The following KCNQ5 variants were observed in gnomAD, a reference collection of about 807,000 sequenced individuals.
KCNQ5 encodes potassium voltage-gated channel subfamily KQT member 5.
A neutral mutation model predicts 98.2 loss-of-function variants in KCNQ5; 30 were observed. The ratio of observed to expected loss-of-function variants is 0.31; its 90% CI spans 0.23 to 0.41. The LOEUF (loss-of-function observed/expected upper bound fraction) is 0.41. Ranked by LOEUF, KCNQ5 falls within the 10% of genes least tolerant of loss-of-function variation. The pLI is 1.00. For synonymous variants in KCNQ5, 458 were observed against 449.4 expected (o/e 1.02, Z -0.24); for missense variants, 835 against 1,182.5 (o/e 0.71, Z 4.31).
intron 1 of KCNQ5, among the ~76,000 whole-genome samples, chr6:72,745,331 G>C (rs993067774): frequency 2.9e-4 from 44 of 152,154 alleles, no homozygotes; most frequent in African/African-American, 9.9e-4. Context: ...GCCAGGTTTA[G>C]CTCTTTAATA....
chr6:72,771,652 C>CTGTGTGTGTGTGTG lies in KCNQ5; in HGVS notation c.398+149085_398+149098dup, dbSNP rs150518788. Among the ~76,000 whole-genome samples the CTGTGTGTGTGTGTG allele has an allele frequency of 6.2e-3, 921 of 147,844 alleles. 12 individuals carry two copies. Among genetic ancestry groups the CTGTGTGTGTGTGTG allele is most frequent in the Middle Eastern group, 0.017 (5 of 290 alleles). On this transcript the variant is annotated intron_variant, in intron 1 of 13. Transcript: ENST00000370398. ...ACATTTGAATATAGTAACCATTTCACTGTGTGTGTGTGTGTGTGTGTGTGT... is the reference window on the plus strand; with the variant it reads ...ACATTTGAATATAGTAACCATTTCACTGTGTGTGTGTGTGTGTGTGTGTGTGTGTGTGTGTGTGT...
intron 2 of KCNQ5, among the ~76,000 whole-genome samples, chr6:73,016,992 A>G (rs1770374763): frequency 6.6e-6 from 1 of 151,924 alleles, no homozygotes; most frequent in Non-Finnish European, 1.5e-5. Flanking sequence ...GATCCTGTGG[A>G]TTTCTATAGA....
intron 9 of KCNQ5, chr6:73,125,409 C>T: frequency 3.9e-6 from 2 of 518,076 alleles, no homozygotes; most frequent in South Asian, 2.8e-5. Context: ...GTGGCAGAGG[C>T]AGAACCAGCA....
chr6:73,090,238 C>T (rs1582334863), intron 5 of KCNQ5, among the ~76,000 whole-genome samples: 1 of 151,948 alleles, frequency 6.6e-6, no homozygotes, highest in South Asian at 2.1e-4. Context: ...ATGTCCTTAG[C>T]CCACTTTTTG....
chr6:73,163,906 A>G (rs1777703802), intron 10 of KCNQ5, among the ~76,000 whole-genome samples: 1 of 152,162 alleles, frequency 6.6e-6, no homozygotes. Flanking sequence ...AATTTTCGCT[A>G]TGCAATCATT....
At chr6:73,182,335 T>A (rs953737942) in intron 11 of KCNQ5, among the ~76,000 whole-genome samples, 2 of 152,218 alleles carry the variant, frequency 1.3e-5, no homozygotes, top group African/African-American at 4.8e-5. Context: ...AGATATTTAC[T>A]ACCTGGCCCT....
At chr6:72,648,790 T>A (rs1295456739) in intron 1 of KCNQ5, among the ~76,000 whole-genome samples, 3 of 117,918 alleles carry the variant, frequency 2.5e-5, no homozygotes, top group East Asian at 3.2e-4. Flanking sequence ...TTTTTTTTTT[T>A]AATTCTCAGA....
At chr6:73,150,624 C>G (rs1396453654) in intron 10 of KCNQ5, among the ~76,000 whole-genome samples, 1 of 150,036 alleles carries the variant, frequency 6.7e-6, no homozygotes, top group Non-Finnish European at 1.5e-5. Context: ...AACCAATAGG[C>G]AAAAGGTTAA....
At chr6:72,734,613 T>TTGA (rs1426877147) in intron 1 of KCNQ5, among the ~76,000 whole-genome samples, 3 of 152,220 alleles carry the variant, frequency 2.0e-5, no homozygotes, top group Non-Finnish European at 4.4e-5. Context: ...AATCCCCCTT[T>TTGA]TGATACCCAG....
chr6:72,792,033 G>A (rs1185969280), intron 1 of KCNQ5, among the ~76,000 whole-genome samples: 1 of 152,130 alleles, frequency 6.6e-6, no homozygotes, highest in Non-Finnish European at 1.5e-5. Flanking sequence ...AAAACATATT[G>A]AGACTCCCAC....
rs1279949744 is a variant in KCNQ5, at chr6:73,169,765, T to C, written c.1488T>C (p.Thr496=). Residue 496 remains threonine, a synonymous_variant, in exon 11 of 14, where the codon ACT becomes ACC. Transcript: ENST00000370398. ...TTGCAGCTGACACAGCCCTTGGCAC[T>C]GATGATGTATATGATGAAAAAGGAT... is the stretch of plus-strand genomic sequence containing the variant. ...PVIDADTALG[T]DDVYDEKGCQ... is the part of the protein sequence containing the mutation. The C allele has an allele frequency of 2.5e-5, 40 of 1,613,252 alleles. No homozygotes were observed. Among genetic ancestry groups the C allele is most frequent in the Non-Finnish European group, 3.1e-5 (37 of 1,179,316 alleles).
intron 1 of KCNQ5, among the ~76,000 whole-genome samples, chr6:72,898,382 G>A (rs1360961257): frequency 6.6e-6 from 1 of 152,074 alleles, no homozygotes; most frequent in Non-Finnish European, 1.5e-5. Context: ...GTGTCCCTGT[G>A]TTCTCATTGT....
chr6:72,649,278 G>T (rs1031653922), intron 1 of KCNQ5, among the ~76,000 whole-genome samples: 2 of 152,118 alleles, frequency 1.3e-5, no homozygotes, highest in African/African-American at 2.4e-5. Context: ...TTAAAAACCT[G>T]TGAAGCATGT....
At chr6:73,081,982 C>G (rs1472625462) in intron 5 of KCNQ5, among the ~76,000 whole-genome samples, 1 of 152,228 alleles carries the variant, frequency 6.6e-6, no homozygotes, top group Non-Finnish European at 1.5e-5. Flanking sequence ...CCAACATTTC[C>G]AACCCACAGA....
At chr6:72,936,231 C>A (rs1391930290) in intron 1 of KCNQ5, among the ~76,000 whole-genome samples, 3 of 152,148 alleles carry the variant, frequency 2.0e-5, no homozygotes, top group African/African-American at 7.2e-5. Flanking sequence ...TCTGAAATAA[C>A]CTACCCACCT....
chr6:73,029,113 A>G (rs1300727361), intron 2 of KCNQ5, among the ~76,000 whole-genome samples: 1 of 152,224 alleles, frequency 6.6e-6, no homozygotes, highest in African/African-American at 2.4e-5. Flanking sequence ...TGATGTGAGC[A>G]GAGGTGTATG....
At chr6:72,758,500 G>C (rs1469087870) in intron 1 of KCNQ5, among the ~76,000 whole-genome samples, 1 of 152,096 alleles carries the variant, frequency 6.6e-6, no homozygotes, top group South Asian at 2.1e-4. Flanking sequence ...AGAAGTGGGG[G>C]ATCAGGAGTA....
chr6:72,655,036 CTTTCTT>C (rs1565060256), intron 1 of KCNQ5, among the ~76,000 whole-genome samples: 1 of 125,308 alleles, frequency 8.0e-6, no homozygotes, highest in Non-Finnish European at 1.7e-5. Context: ...GTCTTTCTTT[CTTTCTT>C]TCTTTCTTTC....
At chr6:72,838,724 G>A (rs1776628393) in intron 1 of KCNQ5, among the ~76,000 whole-genome samples, 1 of 151,740 alleles carries the variant, frequency 6.6e-6, no homozygotes, top group African/African-American at 2.4e-5. Context: ...GCCGAGGCGG[G>A]CGGATCACGA....
Sources: gnomAD v4.1 joint callset for allele counts (sites outside exome capture counted in the v4.1 genomes callset) on GRCh38, gnomAD v4.1.1 for gene constraint, MANE v1.5 for transcripts, NCBI Gene and HGNC (gene_info 2026-07-23, HGNC 2026-07-21) for gene names.